The following DHRSX variants were observed in gnomAD, a reference collection of about 807,000 sequenced individuals.
The protein encoded by DHRSX is polyprenol dehydrogenase.
Under a neutral mutation model 34.0 loss-of-function variants are expected in DHRSX, and 31 were observed. The observed-to-expected ratio is 0.91, with a 90% CI of 0.69 to 1.23. The LOEUF (loss-of-function observed/expected upper bound fraction) is 1.23. Ranked by LOEUF, DHRSX falls within the 50% of genes most tolerant of loss-of-function variation. The pLI is 0.00. For missense variants in DHRSX, 414 were observed against 428.1 expected, an observed-to-expected ratio of 0.97 and a Z score of 0.29; for synonymous variants, 201 against 183.8, an observed-to-expected ratio of 1.09 and a Z score of -0.76.
rs970416909 is a variant in DHRSX, at chrX:2,473,884, C to T, written c.109+26933G>A. On this transcript the variant is annotated intron_variant, in intron 1 of 6. Coordinates refer to ENST00000334651, the MANE Select transcript of DHRSX (RefSeq NM_145177.3). Reference sequence around the variant, plus strand: ...TGCAGTGCCAGAAAGATAATGAAGCCTTGGCTGTGATTCAGACCATTTCTT... The same window carrying T: ...TGCAGTGCCAGAAAGATAATGAAGCTTTGGCTGTGATTCAGACCATTTCTT... Among the ~76,000 whole-genome samples the T allele has an allele frequency of 9.6e-5, 14 of 145,422 alleles. No individual in the cohort carries two copies. In the East Asian group the frequency reaches 2.5e-3, roughly 26 times the overall value.
At chrX:2,363,315 GTATCATGCCTCCATTTTATCACTGTTCTA>G (rs1161697274) in intron 3 of DHRSX, among the ~76,000 whole-genome samples, 5 of 140,568 alleles carry the variant, frequency 3.6e-5, no homozygotes, top group Non-Finnish European at 7.5e-5. Flanking sequence ...CCGTTCTATG[GTATCATGCCTCCATTTTATCACTGTTCTA>G]TATCATGCCT....
intron 3 of DHRSX, among the ~76,000 whole-genome samples, chrX:2,318,925 C>T (rs775041108): frequency 1.3e-5 from 2 of 152,178 alleles, no homozygotes; most frequent in Non-Finnish European, 2.9e-5. Flanking sequence ...CAGTAAACAA[C>T]GCCTCATGTT....
intron 1 of DHRSX, among the ~76,000 whole-genome samples, chrX:2,440,014 A>T (rs1222303373): frequency 6.6e-6 from 1 of 152,124 alleles, no homozygotes; most frequent in Non-Finnish European, 1.5e-5. Flanking sequence ...CACACTCTCC[A>T]ATTAATCTTG....
chrX:2,314,526 C>T (rs1445032977), intron 3 of DHRSX, among the ~76,000 whole-genome samples: 2 of 115,924 alleles, frequency 1.7e-5, no homozygotes, highest in African/African-American at 5.8e-5. Flanking sequence ...GGAGGAAAGG[C>T]TATTCTCTAT....
chrX:2,228,536 G>A (rs2015789931), intron 6 of DHRSX, among the ~76,000 whole-genome samples: 1 of 145,192 alleles, frequency 6.9e-6, no homozygotes, highest in African/African-American at 2.6e-5. Context: ...AGGACTGGAG[G>A]AAAAAAGAGA....
At chrX:2,282,678 G>C (rs1345742624) in intron 4 of DHRSX, among the ~76,000 whole-genome samples, 6 of 145,622 alleles carry the variant, frequency 4.1e-5, no homozygotes, top group Non-Finnish European at 6.0e-5. Flanking sequence ...GAAAAGGAGA[G>C]AGAGAAGAGG....
At chrX:2,490,040 G>A (rs1248685568) in intron 1 of DHRSX, 4 of 1,613,832 alleles carry the variant, frequency 2.5e-6, no homozygotes, top group Non-Finnish European at 3.4e-6. Flanking sequence ...GGAGCCCATG[G>A]ACAGGCAGTT....
chrX:2,357,291 G>C (rs1338551493), intron 3 of DHRSX, among the ~76,000 whole-genome samples: 1 of 151,998 alleles, frequency 6.6e-6, no homozygotes, highest in Non-Finnish European at 1.5e-5. Flanking sequence ...TGTGTGAGGG[G>C]TTGGTGTCCC....
chrX:2,296,097 G>C (rs1269365130), intron 3 of DHRSX, among the ~76,000 whole-genome samples: 7 of 152,136 alleles, frequency 4.6e-5, no homozygotes, highest in Admixed American at 4.6e-4. Flanking sequence ...CAATCGCAAC[G>C]ACAGTACCCA....
At chrX:2,283,449 G>A (rs1180003985) in intron 4 of DHRSX, among the ~76,000 whole-genome samples, 1 of 152,134 alleles carries the variant, frequency 6.6e-6, no homozygotes. Context: ...AGGATCCGCT[G>A]ACGAATGCAT....
At chrX:2,288,758 CA>C (rs2041834277) in intron 4 of DHRSX, among the ~76,000 whole-genome samples, 1 of 152,190 alleles carries the variant, frequency 6.6e-6, no homozygotes, top group East Asian at 1.9e-4. Flanking sequence ...CCAATATGTG[CA>C]TGAGATTTTC....
rs759893083 is a variant in DHRSX at position 2,291,117 on chromosome X, A to G, written c.388+385T>C. Among the ~76,000 whole-genome samples the G allele has an allele frequency of 1.5e-4, 23 of 152,288 alleles. No individual in the cohort carries two copies. The East Asian group carries it at 4.4e-3, about 29-fold the overall frequency. ...TGGGTGAGAATGTTGAACAGGGGGT[A>G]AAATCAAGAGATAAATGGTAATGAG... On this transcript the variant is annotated intron_variant, in intron 4 of 6. Transcript: ENST00000334651.
chrX:2,381,438 C>T (rs2043201422), intron 3 of DHRSX, among the ~76,000 whole-genome samples: 1 of 152,040 alleles, frequency 6.6e-6, no homozygotes, highest in Admixed American at 6.6e-5. Context: ...GCCTGACCAA[C>T]AGGGAGAAAC....
intron 6 of DHRSX, among the ~76,000 whole-genome samples, chrX:2,236,297 C>G (rs2016013939): frequency 6.6e-6 from 1 of 152,016 alleles, no homozygotes; most frequent in Non-Finnish European, 1.5e-5. Flanking sequence ...TGGCGCAGGC[C>G]TGAATGAAGG....
chrX:2,230,624 C>T (rs770415818), intron 6 of DHRSX, among the ~76,000 whole-genome samples: 13 of 152,254 alleles, frequency 8.5e-5, no homozygotes, highest in South Asian at 4.1e-4. Flanking sequence ...AAGGAGAGGA[C>T]GCTTCACAAT....
intron 3 of DHRSX, among the ~76,000 whole-genome samples, chrX:2,313,006 A>AT (rs113049667): frequency 0.42 from 60,605 of 144,074 alleles, 13,283 homozygotes; most frequent in Non-Finnish European, 0.51. Context: ...CAAGATATAT[A>AT]TTTTTTTTTT....
chrX:2,459,314 G>A (rs1307190309), intron 1 of DHRSX, among the ~76,000 whole-genome samples: 2 of 151,466 alleles, frequency 1.3e-5, no homozygotes, highest in African/African-American at 4.8e-5. Context: ...GGTGATATAG[G>A]TTAGAGTTAG....
intron 4 of DHRSX, among the ~76,000 whole-genome samples, chrX:2,285,774 CAT>C (rs2041797960): frequency 6.6e-6 from 1 of 152,176 alleles, no homozygotes; most frequent in Admixed American, 6.5e-5. Flanking sequence ...ATATCCCAAA[CAT>C]ACAATCCAGC....
chrX:2,237,223 T>A (rs1450881836), intron 6 of DHRSX, among the ~76,000 whole-genome samples: 2 of 152,090 alleles, frequency 1.3e-5, no homozygotes, highest in Non-Finnish European at 2.9e-5. Flanking sequence ...AGTACCTGCA[T>A]CCTTGATTTG....
Sources: allele counts gnomAD v4.1 joint callset (sites outside exome capture counted in the v4.1 genomes callset), GRCh38; gene constraint gnomAD v4.1.1; transcripts MANE v1.5; gene names NCBI Gene and HGNC (gene_info 2026-07-23, HGNC 2026-07-21).